Variants in NLGN4Y observed in about 807,000 individuals in gnomAD.
NLGN4Y encodes the protein neuroligin 4 Y-linked, also known as neuroligin-4, Y-linked.
Under a neutral mutation model 8.4 loss-of-function variants are expected in NLGN4Y, and 4 were observed. That is an observed-to-expected ratio of 0.48 (90% CI 0.23 to 1.09). The LOEUF is 1.09. NLGN4Y is among the 50% of genes least tolerant of loss of function. NLGN4Y has a pLI of 0.19. For missense variants in NLGN4Y, 90 were observed against 192.3 expected (o/e 0.47, Z 3.15); for synonymous variants, 35 against 75.6 (o/e 0.46, Z 2.78).
chrY:14,543,879 CAT>C (rs2080159676), intron 1 of NLGN4Y, among the ~76,000 whole-genome samples: 2 of 33,729 alleles, frequency 5.9e-5, no homozygotes, highest in African/African-American at 1.2e-4. Context: ...TGCATACACA[CAT>C]GTGTACGCAC....
intron 1 of NLGN4Y, among the ~76,000 whole-genome samples, chrY:14,550,297 A>G: frequency 2.9e-5 from 1 of 33,916 alleles, no homozygotes; most frequent in Non-Finnish European, 7.3e-5. Context: ...TATTTTCCCC[A>G]TTCCTTCTTC....
At chrY:14,687,579 T>A in intron 2 of NLGN4Y, among the ~76,000 whole-genome samples, 1 of 32,716 alleles carries the variant, frequency 3.1e-5, no homozygotes, top group African/African-American at 1.2e-4. Flanking sequence ...TCAGATCTTA[T>A]GAGACTTACT....
intron 4 of NLGN4Y, among the ~76,000 whole-genome samples, chrY:14,776,643 A>G (rs2081127165): frequency 3.1e-5 from 1 of 32,377 alleles, no homozygotes; most frequent in African/African-American, 1.2e-4. Context: ...TTCTGAGCAA[A>G]TAAACTACAC....
At chrY:14,583,736 G>A in intron 1 of NLGN4Y, among the ~76,000 whole-genome samples, 1 of 33,638 alleles carries the variant, frequency 3.0e-5, no homozygotes, top group African/African-American at 1.2e-4. Flanking sequence ...CTCTGTGTTT[G>A]TGAATGGAAG....
intron 1 of NLGN4Y, among the ~76,000 whole-genome samples, chrY:14,598,470 A>C (rs1603500988): frequency 6.0e-5 from 2 of 33,589 alleles, no homozygotes; most frequent in Admixed American, 2.6e-4. Flanking sequence ...TGGGGCCAGC[A>C]GGGCTGGCCG....
intron 1 of NLGN4Y, among the ~76,000 whole-genome samples, chrY:14,578,092 G>A: frequency 3.1e-5 from 1 of 32,075 alleles, no homozygotes; most frequent in African/African-American, 1.2e-4. Context: ...GGGAGTAGGG[G>A]GAGAGATAGT....
intron 4 of NLGN4Y, among the ~76,000 whole-genome samples, chrY:14,782,290 A>T: frequency 3.0e-5 from 1 of 33,247 alleles, no homozygotes; most frequent in Non-Finnish European, 7.4e-5. Flanking sequence ...AATTTAGTTG[A>T]ACCCTCTCCC....
At chrY:14,756,854 A>T in intron 4 of NLGN4Y, among the ~76,000 whole-genome samples, 1 of 11,983 alleles carries the variant, frequency 8.3e-5, no homozygotes, top group Non-Finnish European at 1.6e-4. Context: ...ATGTGTGTAT[A>T]CATATTTTAT....
chrY:14,702,994 C>A (rs2080859597), intron 2 of NLGN4Y, among the ~76,000 whole-genome samples: 1 of 33,387 alleles, frequency 3.0e-5, no homozygotes, highest in African/African-American at 1.2e-4. Flanking sequence ...CCTTCGCCCA[C>A]TTTTTGATGG....
At chrY:14,680,961 A>G (rs768858647) in intron 2 of NLGN4Y, among the ~76,000 whole-genome samples, 9 of 33,200 alleles carry the variant, frequency 2.7e-4, no homozygotes, top group Non-Finnish European at 6.7e-4. Flanking sequence ...TATTAACTCT[A>G]TTACAGAGAT....
intron 1 of NLGN4Y, among the ~76,000 whole-genome samples, chrY:14,535,150 A>G (rs2080127477): frequency 3.0e-5 from 1 of 33,427 alleles, no homozygotes; most frequent in African/African-American, 1.2e-4. Context: ...TTTTGGCTGA[A>G]GAAGCCCTAA....
At chrY:14,624,257 C>G in intron 2 of NLGN4Y, among the ~76,000 whole-genome samples, 1 of 33,278 alleles carries the variant, frequency 3.0e-5, no homozygotes, top group South Asian at 6.8e-4. Context: ...CTAGCCTTGG[C>G]AACAATGAAT....
chrY:14,599,293 G>A, intron 1 of NLGN4Y, among the ~76,000 whole-genome samples: 2 of 29,882 alleles, frequency 6.7e-5, no homozygotes, highest in African/African-American at 2.6e-4. Flanking sequence ...CACAGTAGAC[G>A]ATCTGCAAGC....
chrY:14,707,154 C>A (rs1603503028), intron 2 of NLGN4Y, among the ~76,000 whole-genome samples: 1 of 6,862 alleles, frequency 1.5e-4, no homozygotes, highest in Non-Finnish European at 3.0e-4. Context: ...TCTATATATG[C>A]GTGTGTGTGT....
intron 2 of NLGN4Y, among the ~76,000 whole-genome samples, chrY:14,707,091 GTATATATA>G (rs1460684278): frequency 1.3e-3 from 5 of 3,888 alleles, no homozygotes; most frequent in African/African-American, 1.8e-3. Context: ...AATTTTATGT[GTATATATA>G]TATATATATA....
At chrY:14,704,422 T>G (rs1031957215) in intron 2 of NLGN4Y, among the ~76,000 whole-genome samples, 1 of 33,371 alleles carries the variant, frequency 3.0e-5, no homozygotes, top group African/African-American at 1.2e-4. Context: ...GATAATCATA[T>G]GGTTTTTATT....
At chrY:14,753,772 T>G (rs2150567107) in intron 4 of NLGN4Y, among the ~76,000 whole-genome samples, 1 of 32,207 alleles carries the variant, frequency 3.1e-5, no homozygotes, top group Non-Finnish European at 7.5e-5. Flanking sequence ...ATCCTATTCT[T>G]TGAATTTTGG....
chrY:14,660,936 T>A (rs973022210), intron 2 of NLGN4Y, among the ~76,000 whole-genome samples: 7 of 33,199 alleles, frequency 2.1e-4, no homozygotes, highest in Admixed American at 5.5e-4. Context: ...ATCCACTATG[T>A]ATTTTCCTAA....
chrY:14,695,542 C>T (rs774899392), intron 2 of NLGN4Y, among the ~76,000 whole-genome samples: 31 of 32,716 alleles, frequency 9.5e-4, no homozygotes, highest in Non-Finnish European at 9.0e-4. Context: ...CTGTCTGGCA[C>T]GCCTTCAAGT....
Sources: gnomAD v4.1 joint callset for allele counts (sites outside exome capture counted in the v4.1 genomes callset) on GRCh38, gnomAD v4.1.1 for gene constraint, MANE v1.5 for transcripts, NCBI Gene and HGNC (gene_info 2026-07-23, HGNC 2026-07-21) for gene names.